The following NEK7 variants were observed in gnomAD, a reference collection of about 807,000 sequenced individuals.
The protein encoded by NEK7 is NIMA related kinase 7.
NEK7 carries 18 observed loss-of-function variants against 44.6 expected under a neutral mutation model. The observed-to-expected ratio is 0.40, with a 90% CI of 0.28 to 0.60. The LOEUF (loss-of-function observed/expected upper bound fraction) is 0.60. NEK7 is among the 20% of genes least tolerant of loss of function. The pLI, the probability that NEK7 is intolerant of heterozygous loss-of-function variation, is 0.38. For missense variants in NEK7, 256 were observed against 366.5 expected (o/e 0.70, Z 2.46); for synonymous variants, 130 against 121.1 (o/e 1.07, Z -0.48).
intron 1 of NEK7, among the ~76,000 whole-genome samples, chr1:198,168,773 A>G (rs1040953215): frequency 1.3e-5 from 2 of 152,130 alleles, no homozygotes; most frequent in Non-Finnish European, 2.9e-5. Flanking sequence ...AGTTGTTGGT[A>G]GGTAGCTGAA....
chr1:198,165,467 A>G (rs1237257610), intron 1 of NEK7, among the ~76,000 whole-genome samples: 4 of 152,232 alleles, frequency 2.6e-5, no homozygotes, highest in African/African-American at 7.2e-5. Flanking sequence ...TGAAAACAAC[A>G]TTAATCATCT....
At position 198,271,905 on chromosome 1, in the gene NEK7, T is replaced by TTTTATATATA. The variant is rs751259588; in HGVS notation, c.373-6055_373-6054insTTATATATAT. Reference sequence around the variant, plus strand: ...TATATATAAATTAAAAATTTATATTTTATATATATATATATATATACACAC... The same window carrying TTTTATATATA: ...TATATATAAATTAAAAATTTATATTTTTTATATATATATATATATATATATATATACACAC... On this transcript the variant is annotated intron_variant, in intron 5 of 9. Transcript: ENST00000367385. Among the ~76,000 whole-genome samples, 454 of 141,296 alleles carry TTTTATATATA rather than the reference T, an allele frequency of 3.2e-3. 2 individuals carry two copies. The highest frequency in any genetic ancestry group is 0.013 in the East Asian group (62 of 4,654). 92.7% of individuals were successfully genotyped at this position (141,296 alleles called of 152,430 possible).
chr1:198,308,173 C>T (rs1029441509), intron 9 of NEK7, among the ~76,000 whole-genome samples: 1 of 152,044 alleles, frequency 6.6e-6, no homozygotes, highest in Admixed American at 6.6e-5. Context: ...TGCCATTAAG[C>T]AAGACTAAAT....
rs11326750 is a variant in NEK7, at chr1:198,174,370, T to TA, written c.-29+17105dup. Among the ~76,000 whole-genome samples the TA allele has an allele frequency of 4.5e-3, 676 of 148,716 alleles. 2 individuals carry two copies. The highest frequency in any genetic ancestry group is 0.01 in the African/African-American group (408 of 40,620). On this transcript the variant is annotated intron_variant, in intron 1 of 9. Transcript: ENST00000367385. ...AATTTGCATTGACGTTTATGCTTGGTAAAAAAAAAAATCTCAAAGGTACAA... is the reference window on the plus strand; with the variant it reads ...AATTTGCATTGACGTTTATGCTTGGTAAAAAAAAAAAATCTCAAAGGTACAA...
intron 1 of NEK7, among the ~76,000 whole-genome samples, chr1:198,190,609 T>A (rs1487249853): frequency 6.6e-6 from 1 of 152,088 alleles, no homozygotes; most frequent in Non-Finnish European, 1.5e-5. Flanking sequence ...AATTTTAAAA[T>A]CTGTGACTCA....
rs1289757279 is a variant in NEK7, at chr1:198,232,678, CTG to C, written c.57+45_57+46del. On this transcript the variant is annotated intron_variant, in intron 2 of 9. Transcript: ENST00000367385. ...TAAGATGGGCAGAACTATATATAATCTGTGTTAAATATGTGTAAGAAAGTAGT... is the reference window on the plus strand; with the variant it reads ...TAAGATGGGCAGAACTATATATAATCTGTTAAATATGTGTAAGAAAGTAGT... 11 of 1,185,470 alleles carry C rather than the reference CTG, an allele frequency of 9.3e-6. No individual in the cohort carries two copies. The Admixed American group carries it at 1.9e-4, about 20-fold the overall frequency. The allele number at this position is 1,185,470 out of a possible 1,614,324, so 73.4% of individuals were successfully genotyped here. A position where few individuals can be genotyped will look rare whatever the true frequency, so the allele number is the denominator to read the frequency against.
intron 8 of NEK7, among the ~76,000 whole-genome samples, chr1:198,294,615 C>T (rs1216966316): frequency 6.6e-6 from 1 of 152,070 alleles, no homozygotes; most frequent in Non-Finnish European, 1.5e-5. Context: ...TTAGATTTAG[C>T]ATACTCATGT....
At chr1:198,196,837 A>G (rs1253034237) in intron 1 of NEK7, among the ~76,000 whole-genome samples, 3 of 152,198 alleles carry the variant, frequency 2.0e-5, no homozygotes, top group Non-Finnish European at 4.4e-5. Flanking sequence ...GCTGAGGTAG[A>G]GGCATGCAAG....
Position 198,201,688 on chromosome 1 carries a change from T to A in NEK7, c.-28-30865T>A, listed in dbSNP as rs1375199006. On this transcript the variant is annotated intron_variant, in intron 1 of 9. Coordinates refer to ENST00000367385, the MANE Select transcript of NEK7 (RefSeq NM_133494.3). ...TCCTTTTCTTTTGTCCTTATATAAT[T>A]TTTATGCTCTTCTGCTCCCATTTTC... Among the ~76,000 whole-genome samples the A allele has an allele frequency of 3.3e-5, 5 of 152,326 alleles. No homozygotes were observed. In the East Asian group the frequency reaches 9.6e-4, roughly 29 times the overall value.
Position 198,208,121 on chromosome 1 carries a change from G to A in NEK7, c.-28-24432G>A, listed in dbSNP as rs535134593. 4.6e-5 allele frequency among the ~76,000 whole-genome samples: 7 copies of A among 152,082 alleles called. No individual in the cohort carries two copies. In the South Asian group the frequency reaches 1.5e-3, roughly 32 times the overall value. On this transcript the variant is annotated intron_variant, in intron 1 of 9. Coordinates refer to ENST00000367385, the MANE Select transcript of NEK7 (RefSeq NM_133494.3). ...TTTAACATTTCTTCCTATATCTTTA[G>A]CCTTCTATCTGAGGTCATTTTGATT...
intron 1 of NEK7, among the ~76,000 whole-genome samples, chr1:198,207,978 A>G (rs1278296535): frequency 6.6e-6 from 1 of 152,130 alleles, no homozygotes; most frequent in Admixed American, 6.5e-5. Context: ...TTATCTCTCT[A>G]TTTATGTGTT....
chr1:198,225,997 C>T (rs560035461), intron 1 of NEK7, among the ~76,000 whole-genome samples: 1 of 152,208 alleles, frequency 6.6e-6, no homozygotes, highest in East Asian at 1.9e-4. Context: ...CCTTCAGCCA[C>T]CTATTTTGTA....
chr1:198,287,368 T>C (rs149533507), intron 7 of NEK7, among the ~76,000 whole-genome samples: 6,778 of 151,904 alleles, frequency 0.045, 563 homozygotes, highest in African/African-American at 0.16. Context: ...CACTCCAGCC[T>C]GGGCAACAGA....
chr1:198,285,882 TTAA>T (rs1195922325), intron 7 of NEK7, among the ~76,000 whole-genome samples: 1 of 152,104 alleles, frequency 6.6e-6, no homozygotes, highest in Non-Finnish European at 1.5e-5. Flanking sequence ...CAAAGGGTAA[TTAA>T]CTCTCTTAAT....
At chr1:198,296,796 A>C (rs1372930948) in intron 8 of NEK7, among the ~76,000 whole-genome samples, 1 of 152,156 alleles carries the variant, frequency 6.6e-6, no homozygotes, top group African/African-American at 2.4e-5. Flanking sequence ...GAGATATAGT[A>C]GTTGTTTTTG....
intron 1 of NEK7, among the ~76,000 whole-genome samples, chr1:198,199,039 A>G (rs932924212): frequency 1.3e-5 from 2 of 152,170 alleles, no homozygotes; most frequent in South Asian, 2.1e-4. Flanking sequence ...TGGAGCTGCA[A>G]ATTCCCATGT....
intron 5 of NEK7, among the ~76,000 whole-genome samples, chr1:198,271,116 T>G (rs1188395298): frequency 6.6e-6 from 1 of 152,042 alleles, no homozygotes; most frequent in East Asian, 1.9e-4. Flanking sequence ...GCAGGAGAGT[T>G]TCTCTGGATT....
At chr1:198,190,966 G>A (rs1438026844) in intron 1 of NEK7, among the ~76,000 whole-genome samples, 2 of 151,996 alleles carry the variant, frequency 1.3e-5, no homozygotes, top group Non-Finnish European at 2.9e-5. Context: ...TTCATACTTT[G>A]ATGTATTCAT....
chr1:198,187,655 A>G (rs1177994206), intron 1 of NEK7, among the ~76,000 whole-genome samples: 1 of 152,180 alleles, frequency 6.6e-6, no homozygotes, highest in African/African-American at 2.4e-5. Context: ...ACCCAGAGCA[A>G]CAGGGACAAC....
Sources: allele counts gnomAD v4.1 joint callset (sites outside exome capture counted in the v4.1 genomes callset), GRCh38; gene constraint gnomAD v4.1.1; transcripts MANE v1.5; gene names NCBI Gene and HGNC (gene_info 2026-07-23, HGNC 2026-07-21).